The following LSAMP variants were observed in gnomAD, a reference collection of about 807,000 sequenced individuals.
The protein encoded by LSAMP is limbic system-associated membrane protein.
LSAMP carries 7 observed loss-of-function variants against 38.6 expected under a neutral mutation model. The ratio of observed to expected loss-of-function variants is 0.18; its 90% CI spans 0.10 to 0.34. The LOEUF (loss-of-function observed/expected upper bound fraction) is 0.34. LSAMP is among the 10% of genes least tolerant of loss of function. LSAMP has a pLI of 1.00. For missense variants in LSAMP, 313 were observed against 420.0 expected (o/e 0.75, Z 2.23); for synonymous variants, 154 against 166.8 (o/e 0.92, Z 0.59).
intron 1 of LSAMP, among the ~76,000 whole-genome samples, chr3:116,229,090 T>C (rs1053410072): frequency 5.3e-5 from 8 of 152,106 alleles, no homozygotes; most frequent in Non-Finnish European, 8.8e-5. Flanking sequence ...GTTTGTAAGC[T>C]TTTTCATGGG....
At chr3:115,832,339 T>C (rs1048530096) in intron 6 of LSAMP, among the ~76,000 whole-genome samples, 10 of 152,156 alleles carry the variant, frequency 6.6e-5, no homozygotes, top group African/African-American at 2.4e-4. Flanking sequence ...CCATTTTACG[T>C]CAACCAATCT....
At chr3:116,173,889 T>C (rs913898540) in intron 1 of LSAMP, among the ~76,000 whole-genome samples, 8 of 151,814 alleles carry the variant, frequency 5.3e-5, no homozygotes, top group Non-Finnish European at 8.8e-5. Context: ...ACAGTTACCA[T>C]TGTTATTGGA....
At chr3:116,182,383 A>T (rs1026217946) in intron 1 of LSAMP, among the ~76,000 whole-genome samples, 13 of 151,130 alleles carry the variant, frequency 8.6e-5, no homozygotes, top group African/African-American at 3.1e-4. Flanking sequence ...GAACTTATAT[A>T]TATATAGAAA....
chr3:115,851,970 T>C (rs1339471681), intron 4 of LSAMP, among the ~76,000 whole-genome samples: 4 of 152,228 alleles, frequency 2.6e-5, no homozygotes, highest in African/African-American at 9.6e-5. Context: ...TAACTGAAAT[T>C]AACTTATCAG....
At chr3:116,246,703 C>G (rs1054347728) in intron 1 of LSAMP, among the ~76,000 whole-genome samples, 6 of 152,198 alleles carry the variant, frequency 3.9e-5, no homozygotes, top group African/African-American at 1.2e-4. Context: ...GAGGGCGTGT[C>G]ATCCTCCTAA....
At chr3:115,855,360 G>T (rs1935473418) in intron 3 of LSAMP, among the ~76,000 whole-genome samples, 1 of 152,174 alleles carries the variant, frequency 6.6e-6, no homozygotes. Flanking sequence ...AATCTCATTT[G>T]TTCCTGATAA....
At chr3:115,835,686 G>A (rs928606888) in intron 6 of LSAMP, among the ~76,000 whole-genome samples, 1 of 152,202 alleles carries the variant, frequency 6.6e-6, no homozygotes, top group Non-Finnish European at 1.5e-5. Flanking sequence ...TGCTTAAAAA[G>A]AGTAGATTTT....
Position 116,044,027 on chromosome 3 carries a change from C to G in LSAMP, c.389-24387G>C, listed in dbSNP as rs577041623. Among the ~76,000 whole-genome samples the G allele has an allele frequency of 7.2e-5, 11 of 152,318 alleles. No individual in the cohort carries two copies. In the South Asian group the frequency reaches 2.3e-3, roughly 32 times the overall value. ...TTTCAAAAGTTGCTCTACTCTTCCT[C>G]CATGAGCCCTCTTTACCAATTGAAT... On this transcript the variant is annotated intron_variant, in intron 2 of 6. Transcript: ENST00000490035.
At chr3:116,416,976 G>A (rs993679264) in intron 1 of LSAMP, among the ~76,000 whole-genome samples, 24 of 152,262 alleles carry the variant, frequency 1.6e-4, no homozygotes, top group Admixed American at 5.2e-4. Context: ...GGAAGGCAGG[G>A]AGGAAAAGTG....
intron 1 of LSAMP, among the ~76,000 whole-genome samples, chr3:116,161,579 A>G (rs1709887970): frequency 6.6e-6 from 1 of 152,118 alleles, no homozygotes; most frequent in African/African-American, 2.4e-5. Flanking sequence ...AGAAATGGCT[A>G]TGTTGTAGGC....
intron 2 of LSAMP, among the ~76,000 whole-genome samples, chr3:116,036,490 A>G (rs1576323485): frequency 6.6e-6 from 1 of 152,120 alleles, no homozygotes; most frequent in Non-Finnish European, 1.5e-5. Context: ...TCTTTGACTA[A>G]TTCTGTGCCT....
At chr3:115,838,950 C>T (rs773818056) in intron 6 of LSAMP, among the ~76,000 whole-genome samples, 8 of 152,126 alleles carry the variant, frequency 5.3e-5, no homozygotes, top group Admixed American at 1.3e-4. Context: ...CTGCTGCTGC[C>T]GCTGGCTGGC....
chr3:115,863,481 C>T (rs1422930973), intron 3 of LSAMP, among the ~76,000 whole-genome samples: 1 of 151,840 alleles, frequency 6.6e-6, no homozygotes, highest in Admixed American at 6.6e-5. Flanking sequence ...GCTTAAAGGA[C>T]ATTCAAATGG....
intron 6 of LSAMP, among the ~76,000 whole-genome samples, chr3:115,837,157 C>T (rs886193183): frequency 1.3e-5 from 2 of 152,204 alleles, no homozygotes; most frequent in Non-Finnish European, 2.9e-5. Context: ...ATTATAAAGA[C>T]TCCCTCTAGT....
At chr3:115,933,084 C>G (rs1023417434) in intron 3 of LSAMP, among the ~76,000 whole-genome samples, 1 of 152,098 alleles carries the variant, frequency 6.6e-6, no homozygotes, top group Non-Finnish European at 1.5e-5. Context: ...CAAGGAAGGT[C>G]GGAGCATAGA....
At chr3:116,195,411 A>C (rs1211074047) in intron 1 of LSAMP, among the ~76,000 whole-genome samples, 1 of 152,218 alleles carries the variant, frequency 6.6e-6, no homozygotes, top group Non-Finnish European at 1.5e-5. Context: ...TTCTGATTAA[A>C]TAAATTTTCT....
At chr3:116,145,600 C>T (rs1046466505) in intron 1 of LSAMP, among the ~76,000 whole-genome samples, 17 of 151,924 alleles carry the variant, frequency 1.1e-4, no homozygotes, top group African/African-American at 3.4e-4. Flanking sequence ...AGATCCCCCC[C>T]AAAAAATACC....
At chr3:116,114,195 T>G (rs972200777) in intron 1 of LSAMP, among the ~76,000 whole-genome samples, 1 of 152,194 alleles carries the variant, frequency 6.6e-6, no homozygotes, top group Non-Finnish European at 1.5e-5. Flanking sequence ...TAGCACCCCA[T>G]GCTCCCTTCT....
chr3:116,004,660 A>G (rs1044939551), intron 3 of LSAMP, among the ~76,000 whole-genome samples: 1 of 151,782 alleles, frequency 6.6e-6, no homozygotes, highest in Non-Finnish European at 1.5e-5. Context: ...ATATGTATAT[A>G]TGTATGTACT....
Sources: allele counts gnomAD v4.1 joint callset (sites outside exome capture counted in the v4.1 genomes callset), GRCh38; gene constraint gnomAD v4.1.1; transcripts MANE v1.5; gene names NCBI Gene and HGNC (gene_info 2026-07-23, HGNC 2026-07-21).